CLEC16A: variants seen among roughly 807,000 people sequenced by gnomAD.
CLEC16A encodes protein CLEC16A.
CLEC16A carries 51 observed loss-of-function variants against 109.5 expected under a neutral mutation model. The observed-to-expected ratio is 0.47, with a 90% confidence interval of 0.37 to 0.59. The LOEUF (loss-of-function observed/expected upper bound fraction) is 0.59, where lower values mean the gene tolerates loss of function less well. Among genes scored for constraint, CLEC16A ranks in the 20% least tolerant of loss-of-function variants. The pLI, the probability that CLEC16A is intolerant of heterozygous loss-of-function variation, is 0.00. For synonymous variants in CLEC16A, 673 were observed against 564.2 expected, an observed-to-expected ratio of 1.19 and a Z score of -2.73; for missense variants, 1,339 against 1,394.0, an observed-to-expected ratio of 0.96 and a Z score of 0.63.
At chr16:11,062,087 G>A (rs2048511203) in intron 19 of CLEC16A, among the ~76,000 whole-genome samples, 1 of 152,178 alleles carries the variant, frequency 6.6e-6, no homozygotes. Context: ...AGTGGTCAGA[G>A]GAATGTGACT....
intron 18 of CLEC16A, among the ~76,000 whole-genome samples, chr16:11,060,555 T>A (rs571321542): frequency 6.6e-6 from 1 of 152,338 alleles, no homozygotes; most frequent in African/African-American, 2.4e-5. Context: ...TTCTTAGGTC[T>A]CAGCTGCCCG....
At chr16:11,075,206 A>G (rs2049281520) in intron 19 of CLEC16A, among the ~76,000 whole-genome samples, 1 of 152,164 alleles carries the variant, frequency 6.6e-6, no homozygotes, top group African/African-American at 2.4e-5. Context: ...ATTTCTCACA[A>G]AGGAAGGGAC....
chr16:11,022,716 G>C (rs920356561), intron 12 of CLEC16A, among the ~76,000 whole-genome samples: 1 of 151,870 alleles, frequency 6.6e-6, no homozygotes, highest in Non-Finnish European at 1.5e-5. Context: ...TGGCTAACAC[G>C]GTGAAACCCC....
intron 20 of CLEC16A, among the ~76,000 whole-genome samples, chr16:11,121,741 A>G (rs1456433606): frequency 1.3e-5 from 2 of 151,738 alleles, no homozygotes; most frequent in Non-Finnish European, 2.9e-5. Context: ...TTAGCCGGGC[A>G]TGATAGCAGG....
intron 18 of CLEC16A, among the ~76,000 whole-genome samples, chr16:11,057,606 C>T (rs1433027852): frequency 6.6e-6 from 1 of 152,246 alleles, no homozygotes; most frequent in Non-Finnish European, 1.5e-5. Context: ...GGTCAGCTGT[C>T]ATCCTTTTCA....
At chr16:11,022,760 G>A (rs1225347210) in intron 12 of CLEC16A, among the ~76,000 whole-genome samples, 2 of 151,832 alleles carry the variant, frequency 1.3e-5, no homozygotes. Flanking sequence ...TTAGCTGGGC[G>A]TGGTGGCGAG....
intron 22 of CLEC16A, among the ~76,000 whole-genome samples, chr16:11,150,580 C>T (rs1470953467): frequency 1.3e-5 from 2 of 152,226 alleles, no homozygotes; most frequent in South Asian, 2.1e-4. Context: ...GTTTTCACAA[C>T]ATTGCCATCA....
At chr16:11,048,953 G>A (rs1276222643) in intron 17 of CLEC16A, among the ~76,000 whole-genome samples, 5 of 151,984 alleles carry the variant, frequency 3.3e-5, no homozygotes, top group African/African-American at 1.2e-4. Context: ...CCTGCTCAGT[G>A]TCTGCTTTTG....
intron 22 of CLEC16A, among the ~76,000 whole-genome samples, chr16:11,160,816 T>G (rs1173899907): frequency 6.6e-6 from 1 of 152,248 alleles, no homozygotes; most frequent in African/African-American, 2.4e-5. Flanking sequence ...CTGCTGTCCC[T>G]AATGTGTGAT....
chr16:10,977,429 T>A, intron 8 of CLEC16A, 30 bp downstream of exon 8: 1 of 1,598,072 alleles, frequency 6.3e-7, no homozygotes, highest in Non-Finnish European at 8.5e-7. Context: ...TCCCGCTGGC[T>A]GAAGGCCATC....
intron 9 of CLEC16A, among the ~76,000 whole-genome samples, chr16:10,981,105 G>T (rs2043298002): frequency 6.6e-6 from 1 of 152,214 alleles, no homozygotes; most frequent in Admixed American, 6.5e-5. Flanking sequence ...CCAGGGAAAT[G>T]AGCACTGTGT....
At chr16:11,163,298 C>T (rs889847727) in intron 22 of CLEC16A, among the ~76,000 whole-genome samples, 3 of 152,008 alleles carry the variant, frequency 2.0e-5, no homozygotes, top group Non-Finnish European at 4.4e-5. Flanking sequence ...CTTGGCCATC[C>T]AGCAAAATAA....
At position 11,024,740 on chromosome 16, in the gene CLEC16A, GC is replaced by G. The variant is rs531008942; in HGVS notation, c.1437-80del. On this transcript the variant is annotated intron_variant, in intron 12 of 23. Coordinates refer to ENST00000409790, the MANE Select transcript of CLEC16A (RefSeq NM_015226.3). ...TAAAGAGCTGTGTCAAAGGCAGCTA[GC>G]ACCCCATGTGCAGGTTAGAGAGGGG... 8.5e-5 allele frequency: 91 copies of G among 1,074,800 alleles called. No homozygotes were observed. The African/African-American group carries it at 1.2e-3, about 14-fold the overall frequency. The allele number at this position is 1,074,800 out of a possible 1,614,324, so 66.6% of individuals were successfully genotyped here. A position where few individuals can be genotyped will look rare whatever the true frequency, so the allele number is the denominator to read the frequency against.
rs1283560824 is a variant in CLEC16A at position 11,003,293 on chromosome 16, G to T, written c.1291G>T (p.Gly431Trp). ...TGGTTCAAAAGGCATCAAGACGAGTGGGGAGAGTGAAGGTGAGTGTCCCCA... is the reference window on the plus strand; with the variant it reads ...TGGTTCAAAAGGCATCAAGACGAGTTGGGAGAGTGAAGGTGAGTGTCCCCA... Reference protein sequence around the residue: ...EGGSKGIKTSGESEEIEMVIM... With the variant: ...EGGSKGIKTSWESEEIEMVIM... The change falls in exon 11 of 24, where the codon GGG becomes TGG. Residue 431 changes from glycine (G) to tryptophan (W), a missense_variant. This residue lies in a region of CLEC16A where 1,061 missense variants were observed against 1,006.8 expected (regional missense o/e 1.05). Transcript: ENST00000409790. The T allele has an allele frequency of 6.2e-7, 1 of 1,611,870 alleles. No individual in the cohort carries two copies. The highest frequency in any genetic ancestry group is 1.1e-5 in the South Asian group (1 of 90,958).
At chr16:11,169,863 T>C (rs778165831) in intron 23 of CLEC16A, among the ~76,000 whole-genome samples, 1 of 152,100 alleles carries the variant, frequency 6.6e-6, no homozygotes, top group Non-Finnish European at 1.5e-5. Flanking sequence ...CAGTAGATAC[T>C]CCTCCTGAAA....
intron 13 of CLEC16A, among the ~76,000 whole-genome samples, chr16:11,030,271 G>C (rs956067303): frequency 6.6e-6 from 1 of 152,184 alleles, no homozygotes; most frequent in Admixed American, 6.5e-5. Context: ...ACCTAGGAAT[G>C]GAATGGCTGA....
At chr16:11,072,392 T>G (rs747859182) in intron 19 of CLEC16A, among the ~76,000 whole-genome samples, 2 of 152,228 alleles carry the variant, frequency 1.3e-5, no homozygotes, top group East Asian at 3.8e-4. Context: ...GTACTGGGAT[T>G]ACAGGTGTGA....
At chr16:11,146,732 G>T (rs1039971974) in intron 22 of CLEC16A, among the ~76,000 whole-genome samples, 1 of 147,826 alleles carries the variant, frequency 6.8e-6, no homozygotes, top group Non-Finnish European at 1.5e-5. Flanking sequence ...GGATAGAGGT[G>T]CAGGAATGGA....
intron 3 of CLEC16A, among the ~76,000 whole-genome samples, chr16:10,967,230 G>A (rs1009072828): frequency 1.1e-4 from 16 of 152,118 alleles, no homozygotes; most frequent in African/African-American, 3.1e-4. Context: ...TCACGATCCC[G>A]GGCTCCCAGA....
Sources: gnomAD v4.1 joint callset for allele counts (sites outside exome capture counted in the v4.1 genomes callset) on GRCh38, gnomAD v4.1.1 for gene constraint, gnomAD v4.1.1 regional missense constraint, MANE v1.5 for transcripts, NCBI Gene and HGNC (gene_info 2026-07-23, HGNC 2026-07-21) for gene names.